Variants in CDK14 observed in about 807,000 individuals in gnomAD.
CDK14 encodes cyclin dependent kinase 14.
In CDK14, 34 loss-of-function variants were observed where a neutral mutation model predicts 60.7. That is an observed-to-expected ratio of 0.56 (90% CI 0.43 to 0.75). The LOEUF is 0.75. Ranked by LOEUF, CDK14 falls within the 30% of genes least tolerant of loss-of-function variation. CDK14 has a pLI of 0.00. For synonymous variants in CDK14, 197 were observed against 203.7 expected (o/e 0.97, Z 0.28); for missense variants, 482 against 564.1 (o/e 0.85, Z 1.47).
intron 2 of CDK14, among the ~76,000 whole-genome samples, chr7:90,654,183 G>A (rs1191974362): frequency 6.6e-6 from 1 of 152,040 alleles, no homozygotes; most frequent in Non-Finnish European, 1.5e-5. Flanking sequence ...TCCTTTCTTA[G>A]TATGTTCAAC....
Position 91,107,213 on chromosome 7 carries a change from C to T in CDK14, c.1155-5329C>T, listed in dbSNP as rs558036333. On this transcript the variant is annotated intron_variant, in intron 12 of 14. Coordinates refer to ENST00000380050, the MANE Select transcript of CDK14 (RefSeq NM_001287135.2). ...ATAAAGTGTGGTACATTGAAGTAGA[C>T]TTCAGTTATTTTTACATTATTTTTT... is the stretch of plus-strand genomic sequence containing the variant. 5.9e-5 allele frequency among the ~76,000 whole-genome samples: 9 copies of T among 152,256 alleles called. No individual in the cohort carries two copies. The South Asian group carries it at 1.9e-3, about 32-fold the overall frequency.
rs1801316752 is a variant in CDK14 at position 90,681,490 on chromosome 7, C to T, written c.124-45077C>T. On this transcript the variant is annotated intron_variant, in intron 2 of 14. Transcript: ENST00000380050. The stretch of plus-strand genomic sequence containing the variant: ...TACATTCTCTCTGAGAACATACTGA[C>T]TGGTGGTGCTCAGCTGCTCTCTGGG... 2.0e-5 allele frequency among the ~76,000 whole-genome samples: 3 copies of T among 152,266 alleles called. No homozygotes were observed. In the South Asian group the frequency reaches 6.2e-4, roughly 32 times the overall value.
chr7:90,772,018 C>T (rs1804803233), intron 4 of CDK14, among the ~76,000 whole-genome samples: 1 of 152,196 alleles, frequency 6.6e-6, no homozygotes, highest in Admixed American at 6.5e-5. Flanking sequence ...ACAAGACTAA[C>T]AGATGGACTT....
At chr7:90,794,256 G>C (rs999922055) in intron 5 of CDK14, among the ~76,000 whole-genome samples, 1 of 152,062 alleles carries the variant, frequency 6.6e-6, no homozygotes, top group Non-Finnish European at 1.5e-5. Context: ...TCACAGGACC[G>C]GGGCGAAATT....
chr7:90,868,216 A>G lies in CDK14; in HGVS notation c.639+4947A>G, dbSNP rs530950409. On this transcript the variant is annotated intron_variant, in intron 6 of 14. Coordinates refer to ENST00000380050, the MANE Select transcript of CDK14 (RefSeq NM_001287135.2). ...GACAGTTAAGGTAATAAACATATCC[A>G]TTACTCCACAAGTTTCCTTGTGTCA... Among the ~76,000 whole-genome samples the G allele has an allele frequency of 1.1e-4, 17 of 151,808 alleles. No individual in the cohort carries two copies. The South Asian group carries it at 3.5e-3, about 32-fold the overall frequency.
At chr7:90,818,799 GAT>G in intron 5 of CDK14, among the ~76,000 whole-genome samples, 1 of 152,082 alleles carries the variant, frequency 6.6e-6, no homozygotes, top group Non-Finnish European at 1.5e-5. Context: ...TCATTAATCT[GAT>G]ATGTTTTCAG....
intron 3 of CDK14, among the ~76,000 whole-genome samples, chr7:90,739,258 AG>A (rs1218786467): frequency 1.3e-5 from 2 of 152,218 alleles, no homozygotes; most frequent in Non-Finnish European, 2.9e-5. Context: ...AATGTGGCAA[AG>A]TATTAATTTT....
At chr7:90,659,655 C>T (rs1452097296) in intron 2 of CDK14, among the ~76,000 whole-genome samples, 6 of 152,114 alleles carry the variant, frequency 3.9e-5, no homozygotes, top group Admixed American at 3.3e-4. Flanking sequence ...AATGTCCATT[C>T]TTTTGATATT....
chr7:90,943,426 A>G (rs1793993609), intron 8 of CDK14, among the ~76,000 whole-genome samples: 1 of 152,220 alleles, frequency 6.6e-6, no homozygotes, highest in Non-Finnish European at 1.5e-5. Context: ...GAGATGTAAT[A>G]TAAAAGTTTA....
chr7:90,609,655 C>T (rs1799495784), intron 2 of CDK14, among the ~76,000 whole-genome samples: 1 of 152,156 alleles, frequency 6.6e-6, no homozygotes, highest in African/African-American at 2.4e-5. Flanking sequence ...CACTAGGATT[C>T]CTGTACATCC....
intron 11 of CDK14, among the ~76,000 whole-genome samples, chr7:91,069,716 C>A (rs143809227): frequency 6.6e-6 from 1 of 152,078 alleles, no homozygotes; most frequent in Non-Finnish European, 1.5e-5. Flanking sequence ...AAGACACAAA[C>A]GTTTTACATC....
At chr7:90,797,020 G>A (rs536137000) in intron 5 of CDK14, among the ~76,000 whole-genome samples, 2 of 151,840 alleles carry the variant, frequency 1.3e-5, no homozygotes, top group South Asian at 4.2e-4. Flanking sequence ...TGTTGATTTT[G>A]TATTCTGCAA....
At chr7:90,941,060 A>G (rs1455361315) in intron 8 of CDK14, among the ~76,000 whole-genome samples, 1 of 152,212 alleles carries the variant, frequency 6.6e-6, no homozygotes, top group African/African-American at 2.4e-5. Context: ...TGTGATGGTT[A>G]TGCTTCAAGA....
At chr7:90,747,136 T>C (rs1358015582) in intron 3 of CDK14, among the ~76,000 whole-genome samples, 1 of 152,230 alleles carries the variant, frequency 6.6e-6, no homozygotes, top group Non-Finnish European at 1.5e-5. Flanking sequence ...ATTTTCATAT[T>C]ATTTTCACAT....
intron 11 of CDK14, 141 bp from the exon 12 acceptor site, chr7:91,079,291 A>C (rs1230273099): frequency 3.5e-6 from 2 of 565,430 alleles, no homozygotes; most frequent in Non-Finnish European, 6.3e-6. Flanking sequence ...ATAACTGCCC[A>C]GTATAAAAGT....
In CDK14 at chr7:91,208,570, TAGTC is replaced by T. The variant is rs1378228267; in HGVS notation, c.*1437_*1440del. The T allele has an allele frequency of 2.0e-5, 3 of 152,244 alleles. No homozygotes were observed. Among genetic ancestry groups the T allele is most frequent in the African/African-American group, 4.8e-5 (2 of 41,462 alleles). The allele number at this position is 152,244 out of a possible 1,614,324, so 9.4% of individuals were successfully genotyped here. Reference sequence around the variant, plus strand: ...TGTACAGTGTCTTACATTTTCCTATTAGTCAGAAAGAAGGAGAGAATGAGTGAGT... The same window carrying T: ...TGTACAGTGTCTTACATTTTCCTATTAGAAAGAAGGAGAGAATGAGTGAGT... On this transcript the variant is annotated 3_prime_UTR_variant, in exon 15 of 15. Coordinates refer to ENST00000380050, the MANE Select transcript of CDK14 (RefSeq NM_001287135.2).
At chr7:90,890,160 A>G (rs1451688036) in intron 6 of CDK14, among the ~76,000 whole-genome samples, 1 of 152,218 alleles carries the variant, frequency 6.6e-6, no homozygotes, top group Non-Finnish European at 1.5e-5. Flanking sequence ...ATCACCTAAG[A>G]CCAAGAGTTC....
At chr7:90,830,562 C>A (rs879424314) in intron 5 of CDK14, among the ~76,000 whole-genome samples, 1 of 152,152 alleles carries the variant, frequency 6.6e-6, no homozygotes, top group East Asian at 1.9e-4. Flanking sequence ...TATTACCATT[C>A]GGCTTCTTTT....
chr7:90,710,333 T>G (rs1802014473), intron 2 of CDK14: 1 of 985,326 alleles, frequency 1.0e-6, no homozygotes, highest in Non-Finnish European at 1.2e-6. Flanking sequence ...CATTTTTTTT[T>G]GCCTGGCTGT....
Sources: gnomAD v4.1 joint callset for allele counts (sites outside exome capture counted in the v4.1 genomes callset) on GRCh38, gnomAD v4.1.1 for gene constraint, MANE v1.5 for transcripts, NCBI Gene and HGNC (gene_info 2026-07-23, HGNC 2026-07-21) for gene names.